GARNL3: variants seen among roughly 807,000 people sequenced by gnomAD.
GARNL3 encodes GTPase-activating Rap/Ran-GAP domain-like protein 3.
Under a neutral mutation model 125.0 loss-of-function variants are expected in GARNL3, and 63 were observed. The ratio of observed to expected loss-of-function variants is 0.50; its 90% CI spans 0.41 to 0.62. The LOEUF (loss-of-function observed/expected upper bound fraction) is 0.62. GARNL3 is among the 20% of genes least tolerant of loss of function. The pLI is 0.00. For synonymous variants in GARNL3, 439 were observed against 457.5 expected (o/e 0.96, Z 0.52); for missense variants, 994 against 1,244.0 (o/e 0.80, Z 3.02).
At chr9:127,358,461 A>G (rs1426287712) in intron 21 of GARNL3, among the ~76,000 whole-genome samples, 1 of 152,250 alleles carries the variant, frequency 6.6e-6, no homozygotes, top group Non-Finnish European at 1.5e-5. Context: ...TGTTCAGCTA[A>G]ATCAAACAGA....
At chr9:127,282,594 C>T (rs939487609) in intron 1 of GARNL3, among the ~76,000 whole-genome samples, 1 of 151,996 alleles carries the variant, frequency 6.6e-6, no homozygotes, top group African/African-American at 2.4e-5. Flanking sequence ...ACTCATAAGC[C>T]CTCATTTTAA....
In GARNL3 at chr9:127,388,962, C is replaced by T. The variant is rs765739413; in HGVS notation, c.2586C>T (p.Ser862=). 3.1e-6 allele frequency: 5 copies of T among 1,613,478 alleles called. No individual in the cohort carries two copies. The highest frequency in any genetic ancestry group is 4.2e-6 in the Non-Finnish European group (5 of 1,179,476). ...CACTTAGAAACCTCGTGGGCAGAAG[C>T]ATCGAACGACCTCTGAAGTCACCCT... is the stretch of plus-strand genomic sequence containing the variant. The part of the protein sequence containing the change: ...KIPLRNLVGR[S]IERPLKSPLV... The change falls in exon 26 of 28, where the codon AGC becomes AGT. Residue 862 remains serine (S), a synonymous_variant. Transcript: ENST00000373387.
Position 127,384,977 on chromosome 9 carries a change from C to A in GARNL3, c.2270-50C>A. ...GACTATGACACAGTCACAGCCCCTT[C>A]GCGGCCACCAAGCCAGCAGCTGGGA... On this transcript the variant is annotated intron_variant, in intron 23 of 27. Transcript: ENST00000373387. The surrounding 1 kb of genome is among the most constrained non-coding windows in gnomAD (Gnocchi z 4.0). 8.9e-7 allele frequency: 1 copy of A among 1,121,730 alleles called. No individual in the cohort carries two copies. The highest frequency in any genetic ancestry group is 1.3e-6 in the Non-Finnish European group (1 of 752,982). The allele number at this position is 1,121,730 out of a possible 1,614,324, so 69.5% of individuals were successfully genotyped here.
In GARNL3 at chr9:127,243,089, C is replaced by T. The variant is rs748964719; in HGVS notation, c.-18C>T. The stretch of plus-strand genomic sequence containing the variant: ...ACTCTTCTGTTTCAGGACAGCTGCC[C>T]AGCCTCCAGGCCCACTGATGGACCC... On this transcript the variant is annotated 5_prime_UTR_variant, in exon 2 of 11. Coordinates refer to the GARNL3 transcript ENST00000439286. 2.9e-6 allele frequency: 4 copies of T among 1,359,412 alleles called. No homozygotes were observed. In the East Asian group the frequency reaches 1.8e-4, roughly 63 times the overall value. 84.2% of individuals were successfully genotyped at this position (1,359,412 alleles called of 1,614,324 possible).
intron 14 of GARNL3, among the ~76,000 whole-genome samples, 197 bp downstream of exon 14, chr9:127,342,531 C>T (rs1196715504): frequency 6.6e-6 from 1 of 152,146 alleles, no homozygotes; most frequent in Non-Finnish European, 1.5e-5. Flanking sequence ...GGTTTCCATA[C>T]ACAGGAATGC....
rs60527772 is a variant in GARNL3, at chr9:127,269,876, C to G, written c.144+4855C>G. ...TCAGATGATTTCCAAATATTTTCTT[C>G]CATTCTGTGGCTTATTTACTCTGTT... On this transcript the variant is annotated intron_variant, in intron 1 of 27. Transcript: ENST00000373387. Among the ~76,000 whole-genome samples the G allele has an allele frequency of 8.7e-3, 1,261 of 144,754 alleles. 23 individuals carry two copies. The East Asian group carries it at 0.09, about 10-fold the overall frequency. 95.0% of individuals were successfully genotyped at this position (144,754 alleles called of 152,430 possible).
intron 15 of GARNL3, 116 bp from the exon 16 acceptor site, chr9:127,345,287 C>G (rs571663592): frequency 1.7e-5 from 10 of 573,136 alleles, no homozygotes; most frequent in African/African-American, 1.4e-4. Flanking sequence ...TAGAGGAACC[C>G]GAAATGTTAG....
Position 127,316,892 on chromosome 9 carries a change from G to A in GARNL3, c.439-1171G>A, listed in dbSNP as rs114254781. ...CTTGGACAGATGAATTGGCAGATGT[G>A]TCCCAATAGCACAAGAAAAATCATA... is the stretch of plus-strand genomic sequence containing the variant. On this transcript the variant is annotated intron_variant, in intron 4 of 27. Coordinates refer to ENST00000373387, the MANE Select transcript of GARNL3 (RefSeq NM_032293.5). Among the ~76,000 whole-genome samples the A allele has an allele frequency of 2.7e-3, 414 of 152,346 alleles. 4 individuals are homozygous for A. The highest frequency in any genetic ancestry group is 9.5e-3 in the African/African-American group (397 of 41,576).
chr9:127,305,289 G>A (rs761808087), intron 2 of GARNL3, among the ~76,000 whole-genome samples: 18 of 152,148 alleles, frequency 1.2e-4, no homozygotes, highest in Admixed American at 5.2e-4. Flanking sequence ...ACACATCATC[G>A]GAACCTGGAG....
Position 127,354,375 on chromosome 9 carries a change from C to G in GARNL3, c.1724C>G (p.Ser575Cys), listed in dbSNP as rs1376866559. 2 of 1,612,884 alleles carry G rather than the reference C, an allele frequency of 1.2e-6. No individual in the cohort carries two copies. The highest frequency in any genetic ancestry group is 3.3e-5 in the Admixed American group (2 of 59,980). ...LEGKQAGKSR[S>C]DCRENKLEKT... is the part of the protein sequence containing the mutation. Reference sequence around the variant, plus strand: ...GGGAAGCAGGCTGGGAAGAGCAGGTCTGACTGCAGAGAAAACAAGTTGGAG... The same window carrying G: ...GGGAAGCAGGCTGGGAAGAGCAGGTGTGACTGCAGAGAAAACAAGTTGGAG... The change falls in exon 19 of 28, where the codon TCT (serine) becomes TGT (cysteine). Residue 575 changes from serine (S) to cysteine (C), a missense_variant. Physicochemically the swap from Ser to Cys is moderately radical, Grantham distance 112. This residue lies in a region of GARNL3 where 728 missense variants were observed against 865.7 expected (regional missense o/e 0.84). Transcript: ENST00000373387.
intron 2 of GARNL3, among the ~76,000 whole-genome samples, chr9:127,298,537 G>A (rs2064679494): frequency 6.6e-6 from 1 of 152,126 alleles, no homozygotes; most frequent in Non-Finnish European, 1.5e-5. Flanking sequence ...ACTCTACCAC[G>A]TGATACACCA....
chr9:127,320,602 G>T (rs1029323632), intron 5 of GARNL3, 113 bp from the exon 6 acceptor site: 19 of 682,570 alleles, frequency 2.8e-5, no homozygotes, highest in South Asian at 7.4e-5. Flanking sequence ...TAACTCATTT[G>T]TTGATTTGTA....
At chr9:127,303,922 T>A (rs946467219) in intron 2 of GARNL3, among the ~76,000 whole-genome samples, 3 of 152,004 alleles carry the variant, frequency 2.0e-5, no homozygotes, top group African/African-American at 7.3e-5. Context: ...GGGCTTTGGA[T>A]CTGATGCAGA....
chr9:127,347,721 C>G (rs947443367), intron 16 of GARNL3, among the ~76,000 whole-genome samples: 4 of 152,134 alleles, frequency 2.6e-5, no homozygotes, highest in Admixed American at 2.6e-4. Flanking sequence ...GTCACAAACT[C>G]AGAATTGCCA....
intron 16 of GARNL3, among the ~76,000 whole-genome samples, chr9:127,345,733 C>T (rs1438309529): frequency 6.6e-6 from 1 of 152,224 alleles, no homozygotes; most frequent in African/African-American, 2.4e-5. Flanking sequence ...GGCCAGGCCC[C>T]ACAGGGCCTC....
chr9:127,386,198 T>G (rs16929827), intron 24 of GARNL3, among the ~76,000 whole-genome samples: 1 of 152,216 alleles, frequency 6.6e-6, no homozygotes, highest in South Asian at 2.1e-4. Context: ...TTTTTTCCAA[T>G]GTATATTGTC....
At chr9:127,247,414 A>G (rs917062293) in intron 2 of GARNL3, among the ~76,000 whole-genome samples, 3 of 152,148 alleles carry the variant, frequency 2.0e-5, no homozygotes, top group Non-Finnish European at 2.9e-5. Flanking sequence ...CAGGGCCTCA[A>G]TGCTGTCAAG....
chr9:127,345,803 A>G (rs1003173201), intron 16 of GARNL3, among the ~76,000 whole-genome samples: 1 of 152,262 alleles, frequency 6.6e-6, no homozygotes, highest in Non-Finnish European at 1.5e-5. Context: ...GTTCTGATCC[A>G]GTAGGTCTGG....
intron 7 of GARNL3, among the ~76,000 whole-genome samples, 177 bp downstream of exon 7, chr9:127,325,272 A>C (rs1297298844): frequency 6.6e-6 from 1 of 152,120 alleles, no homozygotes; most frequent in Non-Finnish European, 1.5e-5. Flanking sequence ...ATATTTTAGA[A>C]TTTTCTATGC....
Sources: allele counts gnomAD v4.1 joint callset (sites outside exome capture counted in the v4.1 genomes callset), GRCh38; gene constraint gnomAD v4.1.1; regional missense constraint gnomAD v4.1.1; non-coding constraint Gnocchi (gnomAD v3.1); transcripts MANE v1.5; gene names NCBI Gene and HGNC (gene_info 2026-07-23, HGNC 2026-07-21).